Variants in UNC13B observed in about 807,000 individuals in gnomAD.
UNC13B encodes the protein protein unc-13 homolog B.
A neutral mutation model predicts 211.0 loss-of-function variants in UNC13B; 144 were observed. That is an observed-to-expected ratio of 0.68 (90% CI 0.60 to 0.78). The LOEUF (loss-of-function observed/expected upper bound fraction) is 0.78, where lower values mean the gene tolerates loss of function less well. Ranked by LOEUF, UNC13B falls within the 30% of genes least tolerant of loss-of-function variation. The probability of loss-of-function intolerance (pLI) is 0.00; values close to 1 mark genes in which losing one functional copy is unlikely to be tolerated. For missense variants in UNC13B, 1,777 were observed against 2,002.0 expected (o/e 0.89, Z 2.14); for synonymous variants, 709 against 725.8 (o/e 0.98, Z 0.37).
intron 6 of UNC13B, among the ~76,000 whole-genome samples, chr9:35,251,930 A>G (rs1374595158): frequency 1.3e-5 from 2 of 152,176 alleles, no homozygotes; most frequent in Non-Finnish European, 2.9e-5. Context: ...GGCTCAAGCG[A>G]TCTGCCCGCC....
chr9:35,255,220 G>A (rs1826805338), intron 6 of UNC13B, among the ~76,000 whole-genome samples: 1 of 149,102 alleles, frequency 6.7e-6, no homozygotes, highest in African/African-American at 2.5e-5. Context: ...CCATTGTGCT[G>A]GGCCTGTTTA....
chr9:35,192,952 C>T (rs907212839), intron 1 of UNC13B, among the ~76,000 whole-genome samples: 3 of 152,166 alleles, frequency 2.0e-5, no homozygotes, highest in Non-Finnish European at 2.9e-5. Flanking sequence ...GCTGTTTTCC[C>T]TCTGCGGTTT....
At chr9:35,278,560 G>T (rs1828304158) in intron 7 of UNC13B, among the ~76,000 whole-genome samples, 2 of 150,580 alleles carry the variant, frequency 1.3e-5, no homozygotes, top group African/African-American at 4.9e-5. Context: ...GAAGGCATAG[G>T]TCCCCAGGTC....
In UNC13B at chr9:35,301,320, C is replaced by G. The variant is rs1829672504; in HGVS notation, c.1916C>G (p.Ala639Gly). The G allele has an allele frequency of 2.5e-6, 1 of 398,468 alleles. No individual in the cohort carries two copies. The highest frequency in any genetic ancestry group is 4.4e-6 in the Non-Finnish European group (1 of 225,928). The allele number at this position is 398,468 out of a possible 1,614,324, so 24.7% of individuals were successfully genotyped here. Residue 639 changes from alanine to glycine, a missense_variant, in exon 9 of 40, where the codon GCA becomes GGA. Ala to Gly is a moderately conservative substitution (Grantham distance 60). Transcript: ENST00000635942. ...TTTCAGAATACAACAGAAAGTATTG[C>G]AAAGGACTTGGCTCCACAGAGTCAG... ...LYFQNTTESI[A>G]KDLAPQSQSS...
At chr9:35,380,884 TC>T (rs980417701) in intron 18 of UNC13B, among the ~76,000 whole-genome samples, 10 of 152,076 alleles carry the variant, frequency 6.6e-5, no homozygotes, top group Admixed American at 3.3e-4. Context: ...AGTGCTTTTG[TC>T]CCCCCTCCAC....
At chr9:35,228,516 G>A (rs888315364) in intron 2 of UNC13B, among the ~76,000 whole-genome samples, 2 of 151,822 alleles carry the variant, frequency 1.3e-5, no homozygotes, top group South Asian at 2.1e-4. Context: ...GCCCCAGTGT[G>A]TAGTGGATAA....
Position 35,389,875 on chromosome 9 carries a change from G to T in UNC13B, c.11124G>T (p.Gly3708=). ...LKQELPPEEQ[G]PSIRNLDFWP... Reference sequence around the variant, plus strand: ...AGGAGCTACCTCCAGAGGAACAAGGGCCCAGCATTCGGAACCTGGATTTCT... The same window carrying T: ...AGGAGCTACCTCCAGAGGAACAAGGTCCCAGCATTCGGAACCTGGATTTCT... The change falls in exon 25 of 40, where the codon GGG becomes GGT. Residue 3708 remains glycine (G), a synonymous_variant. Transcript: ENST00000635942. 1 of 1,614,080 alleles carries T rather than the reference G, an allele frequency of 6.2e-7. No individual in the cohort carries two copies.
chr9:35,189,331 C>G (rs929816770), intron 1 of UNC13B, among the ~76,000 whole-genome samples: 1 of 152,294 alleles, frequency 6.6e-6, no homozygotes, highest in South Asian at 2.1e-4. Flanking sequence ...AGGACCCAGA[C>G]AGAAGTGCAG....
intron 11 of UNC13B, chr9:35,361,201 A>G (rs1833390602): frequency 6.6e-6 from 1 of 152,188 alleles, no homozygotes; most frequent in African/African-American, 2.4e-5. Flanking sequence ...ACTGTCTGGA[A>G]CAGTGAGAGA....
intron 7 of UNC13B, among the ~76,000 whole-genome samples, chr9:35,290,503 TAAGAGATAA>T (rs1345226907): frequency 6.6e-6 from 1 of 151,786 alleles, no homozygotes. Context: ...ATTAATTTCT[TAAGAGATAA>T]ACATTGCCAT....
chr9:35,353,525 G>A (rs1259708115), intron 11 of UNC13B: 1 of 1,231,980 alleles, frequency 8.1e-7, no homozygotes, highest in Non-Finnish European at 1.0e-6. Flanking sequence ...CTCCACACAG[G>A]GAGAGCAAAC....
At chr9:35,193,991 C>T (rs931348352) in intron 1 of UNC13B, among the ~76,000 whole-genome samples, 1 of 152,052 alleles carries the variant, frequency 6.6e-6, no homozygotes, top group Non-Finnish European at 1.5e-5. Context: ...CATGTGCTCT[C>T]CAGTCCTAGG....
intron 1 of UNC13B, among the ~76,000 whole-genome samples, chr9:35,224,680 T>C (rs1824738572): frequency 6.6e-6 from 1 of 151,788 alleles, no homozygotes; most frequent in African/African-American, 2.4e-5. Flanking sequence ...TGAATGAGAG[T>C]TGTGAAAGTG....
At chr9:35,329,503 T>A (rs1369268791) in intron 11 of UNC13B, among the ~76,000 whole-genome samples, 1 of 151,804 alleles carries the variant, frequency 6.6e-6, no homozygotes, top group Non-Finnish European at 1.5e-5. Context: ...TTTTTTTTTT[T>A]TTGAGATAGG....
intron 29 of UNC13B, 28 bp downstream of exon 29, chr9:35,397,338 C>G (rs2132353073): frequency 1.9e-6 from 3 of 1,609,638 alleles, no homozygotes; most frequent in East Asian, 2.2e-5. Flanking sequence ...TACTCCCTCC[C>G]CCTTACCACC....
At chr9:35,385,589 C>T in intron 22 of UNC13B, 135 bp from the exon 23 acceptor site, 3 of 1,415,748 alleles carry the variant, frequency 2.1e-6, no homozygotes, top group Non-Finnish European at 2.8e-6. Flanking sequence ...TGTAACTTTA[C>T]AGTGTTTTTG....
chr9:35,192,528 A>G (rs550587589), intron 1 of UNC13B, among the ~76,000 whole-genome samples: 8 of 152,198 alleles, frequency 5.3e-5, no homozygotes, highest in Non-Finnish European at 1.2e-4. Context: ...TCATTGGAGA[A>G]TTGGCCTAAG....
Position 35,162,041 on chromosome 9 carries a change from G to T in UNC13B, c.-243G>T. 1 of 555,494 alleles carries T rather than the reference G, an allele frequency of 1.8e-6. No homozygotes were observed. The highest frequency in any genetic ancestry group is 3.1e-6 in the Non-Finnish European group (1 of 320,966). The allele number at this position is 555,494 out of a possible 1,614,324, so 34.4% of individuals were successfully genotyped here. ...GCAGCTCCTACCTCCCAGCGATGGC[G>T]TCGCTGTGCCGCGCCCAGTCCCCAG... On this transcript the variant is annotated 5_prime_UTR_variant, in exon 1 of 40. Coordinates refer to ENST00000635942, the MANE Select transcript of UNC13B (RefSeq NM_001371189.2).
At chr9:35,173,439 T>TG (rs1564044022) in intron 1 of UNC13B, among the ~76,000 whole-genome samples, 2 of 151,890 alleles carry the variant, frequency 1.3e-5, no homozygotes, top group African/African-American at 4.8e-5. Context: ...TTTTTTTTTT[T>TG]TGGGGACAGA....
Sources: gnomAD v4.1 joint callset for allele counts (sites outside exome capture counted in the v4.1 genomes callset) on GRCh38, gnomAD v4.1.1 for gene constraint, MANE v1.5 for transcripts, NCBI Gene and HGNC (gene_info 2026-07-23, HGNC 2026-07-21) for gene names.